EPHB2: variants seen among roughly 807,000 people sequenced by gnomAD.
EPHB2 encodes the protein EPH receptor B2, also known as ephrin type-B receptor 2.
Under a neutral mutation model 96.4 loss-of-function variants are expected in EPHB2, and 18 were observed. The observed-to-expected ratio is 0.19, with a 90% CI of 0.13 to 0.28. The LOEUF (loss-of-function observed/expected upper bound fraction) is 0.28. Ranked by LOEUF, EPHB2 falls within the 10% of genes least tolerant of loss-of-function variation. The pLI is 1.00. For missense variants in EPHB2, 989 were observed against 1,355.4 expected, an observed-to-expected ratio of 0.73 and a Z score of 4.25; for synonymous variants, 506 against 534.1, an observed-to-expected ratio of 0.95 and a Z score of 0.72.
chr1:22,886,546 C>T (rs1451197269), intron 6 of EPHB2, among the ~76,000 whole-genome samples: 2 of 151,088 alleles, frequency 1.3e-5, no homozygotes, highest in Non-Finnish European at 2.9e-5. Context: ...TCCCAGGGGA[C>T]GCTAAGTGAG....
chr1:22,904,687 C>G (rs1363970200), intron 9 of EPHB2, among the ~76,000 whole-genome samples: 1 of 152,228 alleles, frequency 6.6e-6, no homozygotes, highest in African/African-American at 2.4e-5. Context: ...ACTCTGCTGT[C>G]ATAGCTTAAT....
Position 22,913,458 on chromosome 1 carries a change from A to C in EPHB2, c.2853-4A>C, listed in dbSNP as rs754962500. The C allele has an allele frequency of 2.5e-6, 4 of 1,614,172 alleles. No individual in the cohort carries two copies. The South Asian group carries it at 4.4e-5, about 18-fold the overall frequency. On this transcript the variant is annotated splice_region_variant and splice_polypyrimidine_tract_variant and intron_variant, in intron 15 of 15. Coordinates refer to ENST00000374630, the MANE Select transcript of EPHB2 (RefSeq NM_017449.5). The surrounding 1 kb of genome is among the most constrained non-coding windows in gnomAD (Gnocchi z 4.1). ...TCCCTAACACACGTGCTTCTCTCCC[A>C]AAGGGACATTCTCCGGGTTGGGGTC...
chr1:22,859,488 T>C (rs1645759332), intron 3 of EPHB2, among the ~76,000 whole-genome samples: 1 of 152,106 alleles, frequency 6.6e-6, no homozygotes, highest in South Asian at 2.1e-4. Flanking sequence ...TACCAGACAA[T>C]TTGCCTATTT....
intron 8 of EPHB2, among the ~76,000 whole-genome samples, chr1:22,895,918 G>A (rs1639544132): frequency 1.3e-5 from 2 of 152,210 alleles, no homozygotes; most frequent in East Asian, 1.9e-4. Context: ...CTTTCTGCAT[G>A]AGTTCAGGCC....
intron 1 of EPHB2, among the ~76,000 whole-genome samples, chr1:22,717,319 G>A (rs1225603534): frequency 6.6e-6 from 1 of 152,106 alleles, no homozygotes; most frequent in Admixed American, 6.5e-5. Context: ...CTTCTGATAA[G>A]GCTGCCTTGA....
chr1:22,718,758 G>C (rs1287331914), intron 1 of EPHB2, among the ~76,000 whole-genome samples: 1 of 152,100 alleles, frequency 6.6e-6, no homozygotes, highest in Non-Finnish European at 1.5e-5. Flanking sequence ...TGCCCCAAGA[G>C]CCCCACAGGT....
intron 3 of EPHB2, among the ~76,000 whole-genome samples, chr1:22,854,903 T>G (rs888908979): frequency 6.6e-6 from 1 of 152,124 alleles, no homozygotes; most frequent in Non-Finnish European, 1.5e-5. Context: ...AAAAGCCACT[T>G]TGCATGAGGC....
At chr1:22,856,916 C>T (rs904412131) in intron 3 of EPHB2, among the ~76,000 whole-genome samples, 1 of 152,190 alleles carries the variant, frequency 6.6e-6, no homozygotes, top group Non-Finnish European at 1.5e-5. Context: ...AATCCACAGC[C>T]CCTCCCCTCA....
At chr1:22,711,945 G>T (rs1643161544) in intron 1 of EPHB2, among the ~76,000 whole-genome samples, 1 of 152,242 alleles carries the variant, frequency 6.6e-6, no homozygotes, top group Non-Finnish European at 1.5e-5. Context: ...TGCGGTCTGG[G>T]TGTGTCCACC....
intron 5 of EPHB2, among the ~76,000 whole-genome samples, chr1:22,877,024 G>A (rs1393367913): frequency 2.0e-5 from 3 of 152,218 alleles, no homozygotes; most frequent in African/African-American, 7.2e-5. Flanking sequence ...GGGCCGGGTG[G>A]GTGGTAGGTG....
chr1:22,848,286 G>C (rs567444553), intron 3 of EPHB2, among the ~76,000 whole-genome samples: 3 of 152,110 alleles, frequency 2.0e-5, no homozygotes, highest in Non-Finnish European at 2.9e-5. Context: ...CTGTGTGCCC[G>C]TGACTGCTGC....
At chr1:22,870,842 A>G (rs541516210) in intron 5 of EPHB2, among the ~76,000 whole-genome samples, 34 of 152,270 alleles carry the variant, frequency 2.2e-4, no homozygotes, top group Non-Finnish European at 7.4e-5. Flanking sequence ...CCAGCATGCA[A>G]CCTTGGACAA....
intron 9 of EPHB2, among the ~76,000 whole-genome samples, chr1:22,900,381 C>T (rs561020372): frequency 2.6e-5 from 4 of 152,314 alleles, no homozygotes; most frequent in East Asian, 1.9e-4. Context: ...TGTGGCTAGA[C>T]GTACTGCGTG....
At chr1:22,738,176 A>C (rs1451350761) in intron 1 of EPHB2, among the ~76,000 whole-genome samples, 1 of 152,248 alleles carries the variant, frequency 6.6e-6, no homozygotes, top group Non-Finnish European at 1.5e-5. Flanking sequence ...TGATTTATAC[A>C]GAAGCACAGA....
chr1:22,766,355 G>A (rs1361897190), intron 1 of EPHB2, among the ~76,000 whole-genome samples: 2 of 152,196 alleles, frequency 1.3e-5, no homozygotes, highest in Non-Finnish European at 2.9e-5. Context: ...AGCTGGAAAT[G>A]AGGATTATGA....
At chr1:22,744,878 GAA>G (rs1484363708) in intron 1 of EPHB2, among the ~76,000 whole-genome samples, 1 of 151,700 alleles carries the variant, frequency 6.6e-6, no homozygotes, top group Non-Finnish European at 1.5e-5. Flanking sequence ...AAGAAAAAAA[GAA>G]AATCACAAGG....
intron 1 of EPHB2, among the ~76,000 whole-genome samples, chr1:22,759,277 A>G (rs936099571): frequency 2.2e-4 from 33 of 152,060 alleles, no homozygotes; most frequent in African/African-American, 7.5e-4. Flanking sequence ...CTCATCTGTA[A>G]AATGGGGACA....
chr1:22,904,127 A>T (rs1385588368), intron 9 of EPHB2, among the ~76,000 whole-genome samples: 1 of 152,178 alleles, frequency 6.6e-6, no homozygotes, highest in Non-Finnish European at 1.5e-5. Context: ...TTAAAACTCT[A>T]TGAAAAATAC....
chr1:22,829,737 C>T (rs932169657), intron 3 of EPHB2, among the ~76,000 whole-genome samples: 14 of 152,102 alleles, frequency 9.2e-5, no homozygotes, highest in Non-Finnish European at 2.9e-5. Flanking sequence ...ATGGCCAGGG[C>T]ATCACGGAGG....
Sources: allele counts gnomAD v4.1 joint callset (sites outside exome capture counted in the v4.1 genomes callset), GRCh38; gene constraint gnomAD v4.1.1; non-coding constraint Gnocchi (gnomAD v3.1); transcripts MANE v1.5; gene names NCBI Gene and HGNC (gene_info 2026-07-23, HGNC 2026-07-21).